CACNB2: variants seen among roughly 807,000 people sequenced by gnomAD.
CACNB2 encodes voltage-dependent L-type calcium channel subunit beta-2.
A neutral mutation model predicts 73.3 loss-of-function variants in CACNB2; 42 were observed. The ratio of observed to expected loss-of-function variants is 0.57; its 90% CI spans 0.45 to 0.74. The LOEUF (loss-of-function observed/expected upper bound fraction) is 0.74, where lower values mean the gene tolerates loss of function less well. Among genes scored for constraint, CACNB2 ranks in the 30% least tolerant of loss-of-function variants. CACNB2 has a pLI of 0.00. For synonymous variants in CACNB2, 348 were observed against 310.3 expected (o/e 1.12, Z -1.28); for missense variants, 940 against 853.0 (o/e 1.10, Z -1.27).
intron 2 of CACNB2, among the ~76,000 whole-genome samples, chr10:18,299,844 A>G (rs2039437699): frequency 6.6e-6 from 1 of 152,194 alleles, no homozygotes; most frequent in Non-Finnish European, 1.5e-5. Flanking sequence ...ATGTCACGAG[A>G]AAGAGCAGCT....
At chr10:18,260,534 A>G (rs916204324) in intron 2 of CACNB2, 3 of 985,492 alleles carry the variant, frequency 3.0e-6, no homozygotes, top group Non-Finnish European at 3.6e-6. Flanking sequence ...ATTCATGTGA[A>G]ATACCTACTG....
At chr10:18,275,514 T>C (rs1007080592) in intron 2 of CACNB2, among the ~76,000 whole-genome samples, 7 of 152,146 alleles carry the variant, frequency 4.6e-5, no homozygotes, top group African/African-American at 1.7e-4. Flanking sequence ...GCTTAATACC[T>C]AGGTGATGGG....
intron 2 of CACNB2, among the ~76,000 whole-genome samples, chr10:18,186,293 C>A (rs2034148250): frequency 6.6e-6 from 1 of 151,950 alleles, no homozygotes; most frequent in Admixed American, 6.6e-5. Flanking sequence ...GTGGTGCATG[C>A]CTGTAATCCC....
At chr10:18,194,560 A>G (rs1219723568) in intron 2 of CACNB2, among the ~76,000 whole-genome samples, 1 of 152,216 alleles carries the variant, frequency 6.6e-6, no homozygotes, top group Non-Finnish European at 1.5e-5. Context: ...TAAGTTTATC[A>G]GGTTCCTCTC....
intron 2 of CACNB2, among the ~76,000 whole-genome samples, chr10:18,311,993 A>G (rs17683046): frequency 0.044 from 6,646 of 152,282 alleles, 214 homozygotes; most frequent in Middle Eastern, 0.099. Flanking sequence ...TGGGTATGTC[A>G]GTATTTACTT....
intron 2 of CACNB2, among the ~76,000 whole-genome samples, chr10:18,201,416 A>C (rs1737353906): frequency 6.6e-6 from 1 of 152,060 alleles, no homozygotes; most frequent in African/African-American, 2.4e-5. Context: ...CTGGGATTAC[A>C]GGCATGCGCC....
intron 3 of CACNB2, among the ~76,000 whole-genome samples, chr10:18,488,036 T>C (rs1375642883): frequency 1.3e-5 from 2 of 150,490 alleles, no homozygotes; most frequent in African/African-American, 4.9e-5. Context: ...CTCGAACTCC[T>C]GACCTCAGGT....
chr10:18,179,089 C>T (rs1197620874), intron 2 of CACNB2, among the ~76,000 whole-genome samples: 1 of 152,140 alleles, frequency 6.6e-6, no homozygotes, highest in African/African-American at 2.4e-5. Context: ...AGGCTTTTAC[C>T]AGTTGAGTAA....
intron 3 of CACNB2, among the ~76,000 whole-genome samples, chr10:18,486,990 A>C (rs1269940983): frequency 2.0e-5 from 3 of 152,150 alleles, no homozygotes; most frequent in African/African-American, 7.2e-5. Context: ...AAGGGCTCCC[A>C]AGTGCGTCAT....
chr10:18,417,929 A>AC (rs1378256381), intron 3 of CACNB2, among the ~76,000 whole-genome samples: 5 of 152,200 alleles, frequency 3.3e-5, no homozygotes, highest in African/African-American at 9.6e-5. Flanking sequence ...GGGGAAAAAA[A>AC]CGAAAGGAAC....
intron 3 of CACNB2, among the ~76,000 whole-genome samples, chr10:18,496,160 T>G (rs1306262220): frequency 3.2e-5 from 4 of 125,090 alleles, no homozygotes; most frequent in African/African-American, 1.3e-4. Context: ...CACTCCAGCC[T>G]GGGCATCACA....
chr10:18,295,218 T>C (rs1477770955), intron 2 of CACNB2, among the ~76,000 whole-genome samples: 1 of 152,232 alleles, frequency 6.6e-6, no homozygotes, highest in Non-Finnish European at 1.5e-5. Flanking sequence ...ATACTTTTTG[T>C]TAGAAAATGG....
intron 3 of CACNB2, among the ~76,000 whole-genome samples, chr10:18,406,917 C>A (rs1202198551): frequency 6.6e-6 from 1 of 151,958 alleles, no homozygotes; most frequent in African/African-American, 2.4e-5. Flanking sequence ...GTGTATGCGA[C>A]GGTCAGTGTA....
chr10:18,164,873 AC>A (rs1452760051), intron 2 of CACNB2, among the ~76,000 whole-genome samples: 1 of 152,018 alleles, frequency 6.6e-6, no homozygotes, highest in Non-Finnish European at 1.5e-5. Flanking sequence ...GGACTTCCTG[AC>A]TCTGCTAGAC....
At chr10:18,220,226 TATATATAGAGAGAGAG>T (rs1336405014) in intron 2 of CACNB2, among the ~76,000 whole-genome samples, 9 of 45,664 alleles carry the variant, frequency 2.0e-4, no homozygotes, top group African/African-American at 7.9e-4. Flanking sequence ...TATATATATA[TATATATAGAGAGAGAG>T]AGAGAGAGAG....
chr10:18,433,143 ATT>A (rs2045972832), intron 3 of CACNB2, among the ~76,000 whole-genome samples: 1 of 141,144 alleles, frequency 7.1e-6, no homozygotes, highest in Non-Finnish European at 1.5e-5. Context: ...ATATATATAT[ATT>A]TGAAATCCTA....
At chr10:18,453,815 G>T (rs915666884) in intron 3 of CACNB2, among the ~76,000 whole-genome samples, 1 of 152,070 alleles carries the variant, frequency 6.6e-6, no homozygotes, top group African/African-American at 2.4e-5. Context: ...ATTTTTAGTA[G>T]AGACCAGGTT....
chr10:18,275,456 A>G (rs748957570), intron 2 of CACNB2, among the ~76,000 whole-genome samples: 3 of 152,166 alleles, frequency 2.0e-5, no homozygotes, highest in Non-Finnish European at 2.9e-5. Flanking sequence ...TATGCACAGA[A>G]TATTAGTCTC....
intron 2 of CACNB2, among the ~76,000 whole-genome samples, chr10:18,291,350 T>C (rs2039061458): frequency 6.6e-6 from 1 of 152,192 alleles, no homozygotes; most frequent in African/African-American, 2.4e-5. Context: ...TGGAGAGTAA[T>C]TGGGAATTGC....
Sources: allele counts gnomAD v4.1 joint callset (sites outside exome capture counted in the v4.1 genomes callset), GRCh38; gene constraint gnomAD v4.1.1; transcripts MANE v1.5; gene names NCBI Gene and HGNC (gene_info 2026-07-23, HGNC 2026-07-21).